STPG2: variants seen among roughly 807,000 people sequenced by gnomAD.
The protein encoded by STPG2 is sperm tail PG-rich repeat containing 2.
Under a neutral mutation model 54.2 loss-of-function variants are expected in STPG2, and 56 were observed. That is an observed-to-expected ratio of 1.03 (90% CI 0.83 to 1.29). The LOEUF (loss-of-function observed/expected upper bound fraction) is 1.29. Among genes scored for constraint, STPG2 ranks in the 50% most tolerant of loss-of-function variants. STPG2 has a pLI of 0.00. For missense variants in STPG2, 596 were observed against 544.9 expected (o/e 1.09, Z -0.93); for synonymous variants, 200 against 181.8 (o/e 1.10, Z -0.81).
Position 97,972,370 on chromosome 4 carries a change from CT to C in STPG2, c.842del (p.Gln281ArgfsTer48), listed in dbSNP as rs1177465594. ...CAGAAGAACCAAATGCACTTTTCTTCTGTTTCTTTGAGCAGATATTTCTAAC... is the reference window on the plus strand; with the variant it reads ...CAGAAGAACCAAATGCACTTTTCTTCGTTTCTTTGAGCAGATATTTCTAAC... ...ASVRNICSKK[Q>X]KKSAFGSSVP... On this transcript the variant is annotated frameshift_variant, in exon 7 of 11. Transcript: ENST00000295268. LOFTEE classifies it high-confidence loss of function. 6.2e-7 allele frequency: 1 copy of C among 1,610,142 alleles called. No homozygotes were observed. The highest frequency in any genetic ancestry group is 1.7e-5 in the Admixed American group (1 of 59,584).
At chr4:98,137,650 G>A (rs1018305451) in intron 1 of STPG2, among the ~76,000 whole-genome samples, 2 of 151,694 alleles carry the variant, frequency 1.3e-5, no homozygotes, top group Non-Finnish European at 3.0e-5. Flanking sequence ...GAGGTAGTTG[G>A]CATCAGAACA....
intron 10 of STPG2, among the ~76,000 whole-genome samples, chr4:97,649,586 G>T (rs1156994729): frequency 1.3e-5 from 2 of 152,118 alleles, no homozygotes; most frequent in African/African-American, 4.8e-5. Context: ...GATGAGGATG[G>T]GCCACCAATG....
chr4:97,953,622 C>T (rs1733554551), intron 7 of STPG2, among the ~76,000 whole-genome samples: 1 of 152,232 alleles, frequency 6.6e-6, no homozygotes, highest in African/African-American at 2.4e-5. Flanking sequence ...GCTCTTCCCA[C>T]ACTGCTCCTA....
chr4:97,736,980 C>G (rs1331648324), intron 9 of STPG2, among the ~76,000 whole-genome samples: 2 of 152,162 alleles, frequency 1.3e-5, no homozygotes, highest in African/African-American at 4.8e-5. Flanking sequence ...CAGACTGACA[C>G]CTCACACGGC....
At chr4:97,988,007 C>T (rs923824169) in intron 5 of STPG2, among the ~76,000 whole-genome samples, 4 of 144,576 alleles carry the variant, frequency 2.8e-5, no homozygotes, top group African/African-American at 1.0e-4. Context: ...TAAGTCAAAT[C>T]CTTAATATGG....
chr4:97,706,642 G>C (rs563229826), intron 10 of STPG2, among the ~76,000 whole-genome samples: 1 of 152,234 alleles, frequency 6.6e-6, no homozygotes, highest in Non-Finnish European at 1.5e-5. Context: ...AACCCAACTT[G>C]GGGCAGGATG....
chr4:98,028,439 T>C (rs915602174), intron 5 of STPG2, among the ~76,000 whole-genome samples: 3 of 152,158 alleles, frequency 2.0e-5, no homozygotes, highest in African/African-American at 7.2e-5. Context: ...TAGGACACAA[T>C]TTAGCTACAC....
intron 4 of STPG2, among the ~76,000 whole-genome samples, chr4:97,472,488 T>C (rs1729961661): frequency 6.6e-6 from 1 of 152,218 alleles, no homozygotes; most frequent in South Asian, 2.1e-4. Flanking sequence ...AGGCCTGCTC[T>C]CAGGAAGAAA....
intron 5 of STPG2, among the ~76,000 whole-genome samples, chr4:98,071,465 T>TAGA (rs10637624): frequency 0.4 from 59,983 of 151,690 alleles, 12,059 homozygotes; most frequent in Middle Eastern, 0.46. Context: ...ATAAAAATCC[T>TAGA]AGAAAATCTA....
chr4:97,487,495 ACTG>A (rs1015910627), intron 4 of STPG2, among the ~76,000 whole-genome samples: 10 of 151,606 alleles, frequency 6.6e-5, no homozygotes, highest in East Asian at 1.9e-4. Flanking sequence ...AGAAATGAAA[ACTG>A]CTATTAGAAA....
At chr4:97,815,719 T>C (rs184918751) in intron 9 of STPG2, among the ~76,000 whole-genome samples, 3 of 152,288 alleles carry the variant, frequency 2.0e-5, no homozygotes, top group Non-Finnish European at 2.9e-5. Flanking sequence ...GTACACAGGA[T>C]AGCTGCACTA....
At chr4:97,968,334 T>C (rs1247159940) in intron 7 of STPG2, among the ~76,000 whole-genome samples, 3 of 152,102 alleles carry the variant, frequency 2.0e-5, no homozygotes, top group Non-Finnish European at 4.4e-5. Context: ...ACAAGATGGA[T>C]TCACAGCCGA....
chr4:97,795,288 C>A (rs933093876), intron 9 of STPG2, among the ~76,000 whole-genome samples: 9 of 152,098 alleles, frequency 5.9e-5, no homozygotes, highest in African/African-American at 2.2e-4. Flanking sequence ...TGTTGGTGTG[C>A]TGCACCCAAT....
intron 4 of STPG2, among the ~76,000 whole-genome samples, chr4:97,475,708 A>G (rs1730053674): frequency 6.6e-6 from 1 of 151,972 alleles, no homozygotes; most frequent in Admixed American, 6.6e-5. Context: ...GCTCTCCCCT[A>G]ACATACCATG....
intron 4 of STPG2, among the ~76,000 whole-genome samples, chr4:97,478,682 G>A (rs903179462): frequency 2.0e-5 from 3 of 151,598 alleles, no homozygotes; most frequent in Non-Finnish European, 4.4e-5. Context: ...AGTTTGTTAG[G>A]TTTTCTCTTT....
chr4:97,501,910 T>C (rs1010950266), intron 4 of STPG2, among the ~76,000 whole-genome samples: 3 of 151,892 alleles, frequency 2.0e-5, no homozygotes, highest in African/African-American at 7.2e-5. Flanking sequence ...ATTTCACAAC[T>C]AAGAAAATTA....
intron 3 of STPG2, among the ~76,000 whole-genome samples, chr4:98,127,903 G>GT (rs1193328089): frequency 2.0e-5 from 3 of 152,204 alleles, no homozygotes; most frequent in Non-Finnish European, 4.4e-5. Context: ...AAAATAAAAT[G>GT]TTTTTTCTTT....
chr4:98,070,885 T>C (rs1376703235), intron 5 of STPG2, among the ~76,000 whole-genome samples: 2 of 152,060 alleles, frequency 1.3e-5, no homozygotes, highest in Non-Finnish European at 2.9e-5. Flanking sequence ...TGGAAAAAAT[T>C]CCATGCTCAT....
chr4:97,652,100 G>T (rs1055103223), intron 10 of STPG2, among the ~76,000 whole-genome samples: 2 of 151,726 alleles, frequency 1.3e-5, no homozygotes, highest in Non-Finnish European at 3.0e-5. Flanking sequence ...TCAAAAATTT[G>T]CATAAGCCTA....
Sources: allele counts gnomAD v4.1 joint callset (sites outside exome capture counted in the v4.1 genomes callset), GRCh38; gene constraint gnomAD v4.1.1; transcripts MANE v1.5; gene names NCBI Gene and HGNC (gene_info 2026-07-23, HGNC 2026-07-21).